The following FHIP2A variants were observed in gnomAD, a reference collection of about 807,000 sequenced individuals.
The protein encoded by FHIP2A is FHF complex subunit HOOK interacting protein 2A.
FHIP2A carries 46 observed loss-of-function variants against 93.5 expected under a neutral mutation model. The ratio of observed to expected loss-of-function variants is 0.49; its 90% CI spans 0.39 to 0.63. FHIP2A has a LOEUF of 0.63. Among genes scored for constraint, FHIP2A ranks in the 20% least tolerant of loss-of-function variants. The probability of loss-of-function intolerance (pLI) is 0.00; values close to 1 mark genes in which losing one functional copy is unlikely to be tolerated. For synonymous variants in FHIP2A, 332 were observed against 326.5 expected, an observed-to-expected ratio of 1.02 and a Z score of -0.18; for missense variants, 769 against 909.7, an observed-to-expected ratio of 0.85 and a Z score of 1.99.
intron 16 of FHIP2A, among the ~76,000 whole-genome samples, chr10:114,883,898 T>G (rs1334889302): frequency 2.6e-5 from 4 of 152,128 alleles, no homozygotes. Flanking sequence ...AGAGATTTTC[T>G]TAAACTGCAG....
chr10:114,878,506 C>A (rs886879629), intron 16 of FHIP2A, among the ~76,000 whole-genome samples: 1 of 152,158 alleles, frequency 6.6e-6, no homozygotes, highest in African/African-American at 2.4e-5. Context: ...TGGCTGGGCG[C>A]AGTGGCTCAC....
downstream of FHIP2A, among the ~76,000 whole-genome samples, chr10:114,866,869 G>A (rs1272499885): frequency 6.6e-6 from 1 of 152,126 alleles, no homozygotes; most frequent in Non-Finnish European, 1.5e-5. Flanking sequence ...TTACTTTTGG[G>A]TTATAGTCTT....
At chr10:114,829,526 G>A (rs1167687718) in intron 1 of FHIP2A, among the ~76,000 whole-genome samples, 1 of 152,224 alleles carries the variant, frequency 6.6e-6, no homozygotes, top group African/African-American at 2.4e-5. Context: ...GGTCACTTTT[G>A]TGACCATCTT....
At position 114,863,138 on chromosome 10, in the gene FHIP2A, T is replaced by A; in HGVS notation, c.*1598T>A. The A allele has an allele frequency of 1.0e-6, 1 of 979,632 alleles. No homozygotes were observed. The highest frequency in any genetic ancestry group is 1.2e-6 in the Non-Finnish European group (1 of 824,618). The allele number at this position is 979,632 out of a possible 1,614,324, so 60.7% of individuals were successfully genotyped here. On this transcript the variant is annotated 3_prime_UTR_variant, in exon 17 of 17. Coordinates refer to ENST00000369248, the MANE Select transcript of FHIP2A (RefSeq NM_020940.4). ...TTTCATGCAAATCTTTGTTAGCTTA[T>A]TCTAAGAAATTTATTAAGTAAAACA...
chr10:114,896,252 A>G (rs2084000888), intron 16 of FHIP2A, among the ~76,000 whole-genome samples: 1 of 152,164 alleles, frequency 6.6e-6, no homozygotes. Flanking sequence ...AAAAAAAGCA[A>G]CATGACTGAG....
intron 14 of FHIP2A, among the ~76,000 whole-genome samples, chr10:114,858,606 G>T (rs141196045): frequency 0.034 from 4,937 of 145,446 alleles, 118 homozygotes; most frequent in Middle Eastern, 0.049. Flanking sequence ...TTTACTAAAT[G>T]CATTCTTTTA....
chr10:114,833,762 G>A (rs1220769907), intron 3 of FHIP2A, among the ~76,000 whole-genome samples: 1 of 152,180 alleles, frequency 6.6e-6, no homozygotes, highest in African/African-American at 2.4e-5. Flanking sequence ...GAATGTCACT[G>A]ATGATTTTGA....
At chr10:114,832,692 T>C (rs972173213) in intron 2 of FHIP2A, among the ~76,000 whole-genome samples, 10 of 151,602 alleles carry the variant, frequency 6.6e-5, no homozygotes, top group Non-Finnish European at 8.8e-5. Flanking sequence ...GAATGTTAGC[T>C]TATGGAATAT....
At position 114,862,926 on chromosome 10, in the gene FHIP2A, G is replaced by T. The variant is rs1001783861; in HGVS notation, c.*1386G>T. On this transcript the variant is annotated 3_prime_UTR_variant, in exon 17 of 17. Coordinates refer to ENST00000369248, the MANE Select transcript of FHIP2A (RefSeq NM_020940.4). Reference sequence around the variant, plus strand: ...TTTTATGTAGCATGTTTGCATATACGCATTGTGTGGCATGTGCATAGAGGC... The same window carrying T: ...TTTTATGTAGCATGTTTGCATATACTCATTGTGTGGCATGTGCATAGAGGC... 2.0e-6 allele frequency: 2 copies of T among 985,398 alleles called. No homozygotes were observed. The highest frequency in any genetic ancestry group is 2.4e-6 in the Non-Finnish European group (2 of 829,912). The allele number at this position is 985,398 out of a possible 1,614,324, so 61.0% of individuals were successfully genotyped here. A position where few individuals can be genotyped will look rare whatever the true frequency, so the allele number is the denominator to read the frequency against.
chr10:114,854,152 T>A lies in FHIP2A; in HGVS notation c.1804-1045T>A, dbSNP rs74640494. ...AAAGACCAGGGTTTTTTTTTTTTTT[T>A]TTATTTCCAATCTGTCACAGACCAA... On this transcript the variant is annotated intron_variant, in intron 13 of 16. Transcript: ENST00000369248. 7.9e-5 allele frequency among the ~76,000 whole-genome samples: 12 copies of A among 152,022 alleles called. No homozygotes were observed. In the East Asian group the frequency reaches 1.4e-3, roughly 17 times the overall value.
In FHIP2A at chr10:114,863,105, ACCTC is replaced by A; in HGVS notation, c.*1566_*1569del. On this transcript the variant is annotated 3_prime_UTR_variant, in exon 17 of 17. Coordinates refer to ENST00000369248, the MANE Select transcript of FHIP2A (RefSeq NM_020940.4). ...ACTGTTAAAACAACAAAAAGACTAA[ACCTC>A]TAATTTCATGCAAATCTTTGTTAGC... is the stretch of plus-strand genomic sequence containing the variant. 10 of 982,154 alleles carry A rather than the reference ACCTC, an allele frequency of 1.0e-5. No homozygotes were observed. Among genetic ancestry groups the A allele is most frequent in the Non-Finnish European group, 1.2e-5 (10 of 826,932 alleles). 60.8% of individuals were successfully genotyped at this position (982,154 alleles called of 1,614,324 possible). A position where few individuals can be genotyped will look rare whatever the true frequency, so the allele number is the denominator to read the frequency against.
At chr10:114,875,685 C>T (rs144379188) in intron 16 of FHIP2A, among the ~76,000 whole-genome samples, 9 of 146,788 alleles carry the variant, frequency 6.1e-5, no homozygotes, top group Non-Finnish European at 1.2e-4. Context: ...TTGAGCGAGA[C>T]TCTGTCGAAA....
chr10:114,825,963 G>A (rs2083573375), intron 1 of FHIP2A, among the ~76,000 whole-genome samples: 1 of 152,210 alleles, frequency 6.6e-6, no homozygotes. Flanking sequence ...GAATGTAAGT[G>A]CAATGTTTTC....
At chr10:114,822,191 C>T (rs2083530740) in intron 1 of FHIP2A, 68 bp downstream of exon 1, 2 of 1,038,008 alleles carry the variant, frequency 1.9e-6, no homozygotes, top group Non-Finnish European at 2.5e-6. Flanking sequence ...CCGGCGGCCT[C>T]GGGGACAAGC....
intron 16 of FHIP2A, among the ~76,000 whole-genome samples, chr10:114,880,191 C>A (rs74158084): frequency 0.014 from 2,188 of 152,190 alleles, 35 homozygotes; most frequent in African/African-American, 0.049. Context: ...CTTGGGCTTG[C>A]CTAAGGCTGG....
Position 114,843,918 on chromosome 10 carries a change from G to C in FHIP2A, c.994G>C (p.Val332Leu), listed in dbSNP as rs2083685170. ...QSVDPLDIET[V>L]EAINWGLDSY... ...AGTGGATCCGTTAGATATTGAAACC[G>C]TGGAAGCAATTAACTGGGGGTAAGC... Residue 332 changes from valine (V) to leucine (L), a missense_variant, in exon 7 of 17, where the codon GTG (valine) becomes CTG (leucine). Coordinates refer to ENST00000369248, the MANE Select transcript of FHIP2A (RefSeq NM_020940.4). The C allele has an allele frequency of 6.4e-7, 1 of 1,573,098 alleles. No individual in the cohort carries two copies. Among genetic ancestry groups the C allele is most frequent in the South Asian group, 1.2e-5 (1 of 83,444 alleles).
At chr10:114,856,219 A>G (rs191994595) in intron 14 of FHIP2A, among the ~76,000 whole-genome samples, 1 of 152,228 alleles carries the variant, frequency 6.6e-6, no homozygotes, top group Non-Finnish European at 1.5e-5. Flanking sequence ...ATTGTAATCT[A>G]AGAAGTATTT....
At position 114,864,423 on chromosome 10, in the gene FHIP2A, C is replaced by A. The variant is rs546918096; in HGVS notation, c.*2883C>A. 5 of 985,798 alleles carry A rather than the reference C, an allele frequency of 5.1e-6. No homozygotes were observed. In the East Asian group the frequency reaches 5.7e-4, roughly 112 times the overall value. 61.1% of individuals were successfully genotyped at this position (985,798 alleles called of 1,614,324 possible). ...TGTGTTAAAACATGGTAGATAATCACATTTTCTGGGCCCTGTAAAATAGTG... is the reference window on the plus strand; with the variant it reads ...TGTGTTAAAACATGGTAGATAATCAAATTTTCTGGGCCCTGTAAAATAGTG... On this transcript the variant is annotated 3_prime_UTR_variant, in exon 17 of 17. Coordinates refer to ENST00000369248, the MANE Select transcript of FHIP2A (RefSeq NM_020940.4).
At chr10:114,854,901 A>G (rs181362699) in intron 13 of FHIP2A, among the ~76,000 whole-genome samples, 4 of 152,350 alleles carry the variant, frequency 2.6e-5, no homozygotes, top group Admixed American at 6.5e-5. Flanking sequence ...CGGTGATGAA[A>G]GTAACTAAAG....
Sources: allele counts gnomAD v4.1 joint callset (sites outside exome capture counted in the v4.1 genomes callset), GRCh38; gene constraint gnomAD v4.1.1; transcripts MANE v1.5; gene names NCBI Gene and HGNC (gene_info 2026-07-23, HGNC 2026-07-21).